The following PTPRM variants were observed in gnomAD, a reference collection of about 807,000 sequenced individuals.
The protein encoded by PTPRM is receptor-type tyrosine-protein phosphatase mu.
In PTPRM, 47 loss-of-function variants were observed where a neutral mutation model predicts 186.7. That is an observed-to-expected ratio of 0.25 (90% CI 0.20 to 0.32). The LOEUF (loss-of-function observed/expected upper bound fraction) is 0.32, where lower values mean the gene tolerates loss of function less well. Ranked by LOEUF, PTPRM falls within the 10% of genes least tolerant of loss-of-function variation. The probability of loss-of-function intolerance (pLI) is 1.00; values close to 1 mark genes in which losing one functional copy is unlikely to be tolerated. For synonymous variants in PTPRM, 668 were observed against 674.9 expected (o/e 0.99, Z 0.16); for missense variants, 1,494 against 1,865.0 (o/e 0.80, Z 3.66).
chr18:7,975,073 A>G (rs1404798151), intron 7 of PTPRM, among the ~76,000 whole-genome samples: 3 of 152,204 alleles, frequency 2.0e-5, no homozygotes, highest in Admixed American at 6.5e-5. Context: ...CTTGCACCAC[A>G]CACCTATTAG....
At chr18:7,656,842 T>A (rs2038861064) in intron 1 of PTPRM, among the ~76,000 whole-genome samples, 1 of 152,118 alleles carries the variant, frequency 6.6e-6, no homozygotes, top group Non-Finnish European at 1.5e-5. Flanking sequence ...GTCCTCCTCC[T>A]CCTGAGAACA....
intron 20 of PTPRM, among the ~76,000 whole-genome samples, chr18:8,303,709 C>T (rs1001506438): frequency 4.6e-5 from 7 of 152,140 alleles, no homozygotes; most frequent in Admixed American, 4.6e-4. Context: ...AGGCAAGACC[C>T]ACATGAAACC....
At chr18:7,754,866 G>A (rs2041397914) in intron 1 of PTPRM, 1 of 152,266 alleles carries the variant, frequency 6.6e-6, no homozygotes, top group Admixed American at 6.5e-5. Context: ...GAAGCTTAAT[G>A]CAGGGAATGT....
intron 23 of PTPRM, among the ~76,000 whole-genome samples, chr18:8,345,425 A>G (rs994380804): frequency 3.3e-5 from 5 of 152,084 alleles, no homozygotes; most frequent in African/African-American, 7.2e-5. Flanking sequence ...TTGTACTGCA[A>G]TAGAATAATA....
At chr18:7,707,616 G>T (rs765050773) in intron 1 of PTPRM, among the ~76,000 whole-genome samples, 9 of 152,062 alleles carry the variant, frequency 5.9e-5, no homozygotes, top group Non-Finnish European at 1.0e-4. Context: ...TCTAGGCTGG[G>T]TTACAGAGTG....
At chr18:7,619,357 T>A (rs1170203492) in intron 1 of PTPRM, among the ~76,000 whole-genome samples, 2 of 152,232 alleles carry the variant, frequency 1.3e-5, no homozygotes, top group East Asian at 3.9e-4. Flanking sequence ...GAAAGAACTT[T>A]CACTTGGGAT....
intron 7 of PTPRM, among the ~76,000 whole-genome samples, chr18:8,038,584 G>A (rs999297136): frequency 4.6e-5 from 7 of 152,028 alleles, no homozygotes; most frequent in African/African-American, 1.7e-4. Context: ...TAGAGACGGG[G>A]TTTCAACTTG....
intron 2 of PTPRM, among the ~76,000 whole-genome samples, chr18:7,866,804 A>G (rs1459524397): frequency 6.6e-6 from 1 of 152,198 alleles, no homozygotes; most frequent in Non-Finnish European, 1.5e-5. Context: ...GTCTCCCACT[A>G]TTACTGTGTA....
chr18:7,823,802 T>C (rs1353840913), intron 2 of PTPRM, among the ~76,000 whole-genome samples: 1 of 152,206 alleles, frequency 6.6e-6, no homozygotes, highest in African/African-American at 2.4e-5. Flanking sequence ...ACTGGCTTCC[T>C]TGCTCCTCAG....
chr18:8,166,144 G>A (rs953765682), intron 14 of PTPRM, among the ~76,000 whole-genome samples: 2 of 152,128 alleles, frequency 1.3e-5, no homozygotes, highest in Non-Finnish European at 2.9e-5. Context: ...GTGAATAAAC[G>A]CAGATCCTAT....
intron 26 of PTPRM, chr18:8,377,479 G>C (rs180990818): frequency 6.6e-6 from 1 of 151,936 alleles, no homozygotes; most frequent in Non-Finnish European, 1.5e-5. Context: ...GTTGCCACTC[G>C]CATTTCTCAC....
Position 7,985,426 on chromosome 18 carries a change from C to A in PTPRM, c.1132+30012C>A, listed in dbSNP as rs9950941. Among the ~76,000 whole-genome samples the A allele has an allele frequency of 6.3e-3, 847 of 135,458 alleles. 27 individuals are homozygous for A. Among genetic ancestry groups the A allele is most frequent in the African/African-American group, 0.022 (783 of 35,980 alleles). 88.9% of individuals were successfully genotyped at this position (135,458 alleles called of 152,430 possible). ...ATACGTATATAAATATATACATATA[C>A]TGGTAGATACGTATATAAATATATA... On this transcript the variant is annotated intron_variant, in intron 7 of 32. Transcript: ENST00000580170.
At chr18:7,764,522 A>G (rs2041929747) in intron 1 of PTPRM, among the ~76,000 whole-genome samples, 1 of 152,152 alleles carries the variant, frequency 6.6e-6, no homozygotes, top group African/African-American at 2.4e-5. Context: ...TTCCCAGAAT[A>G]TTCTAGTTAA....
At chr18:8,044,782 A>G (rs909735976) in intron 7 of PTPRM, among the ~76,000 whole-genome samples, 43 of 151,402 alleles carry the variant, frequency 2.8e-4, no homozygotes, top group Admixed American at 2.0e-3. Flanking sequence ...AAGAAAAAAC[A>G]GAAAATAAAA....
At chr18:8,178,464 A>G (rs2146545871) in intron 14 of PTPRM, among the ~76,000 whole-genome samples, 1 of 152,262 alleles carries the variant, frequency 6.6e-6, no homozygotes, top group Admixed American at 6.5e-5. Context: ...AAGAATAATT[A>G]TTTGCCACAT....
chr18:8,064,846 C>T (rs1040046068), intron 7 of PTPRM, among the ~76,000 whole-genome samples: 10 of 152,176 alleles, frequency 6.6e-5, no homozygotes, highest in Non-Finnish European at 1.2e-4. Context: ...ATTAGTTACT[C>T]AGACCTTTGC....
At chr18:8,045,375 G>A (rs1312603255) in intron 7 of PTPRM, among the ~76,000 whole-genome samples, 1 of 152,164 alleles carries the variant, frequency 6.6e-6, no homozygotes, top group Non-Finnish European at 1.5e-5. Flanking sequence ...AATGTTCACA[G>A]CAACATTTGT....
chr18:8,025,827 G>A (rs182393367), intron 7 of PTPRM, among the ~76,000 whole-genome samples: 44 of 152,242 alleles, frequency 2.9e-4, no homozygotes, highest in African/African-American at 1.1e-3. Flanking sequence ...AAACTCCAAG[G>A]ATTTCTTTTT....
intron 14 of PTPRM, among the ~76,000 whole-genome samples, chr18:8,193,760 A>T (rs2146739163): frequency 6.6e-6 from 1 of 152,366 alleles, no homozygotes; most frequent in East Asian, 1.9e-4. Flanking sequence ...GCCAAGGCTT[A>T]AAGAGAAAGA....
Sources: gnomAD v4.1 joint callset for allele counts (sites outside exome capture counted in the v4.1 genomes callset) on GRCh38, gnomAD v4.1.1 for gene constraint, MANE v1.5 for transcripts, NCBI Gene and HGNC (gene_info 2026-07-23, HGNC 2026-07-21) for gene names.